Variants in TWIST2 observed in about 807,000 individuals in gnomAD.
TWIST2 encodes the protein twist-related protein 2.
TWIST2 carries 1 observed loss-of-function variant against 11.6 expected under a neutral mutation model. The observed-to-expected ratio is 0.09, with a 90% CI of 0.03 to 0.41. The LOEUF (loss-of-function observed/expected upper bound fraction) is 0.41. Ranked by LOEUF, TWIST2 falls within the 10% of genes least tolerant of loss-of-function variation. The pLI, the probability that TWIST2 is intolerant of heterozygous loss-of-function variation, is 0.98. For synonymous variants in TWIST2, 87 were observed against 96.6 expected (o/e 0.90, Z 0.58); for missense variants, 168 against 226.4 (o/e 0.74, Z 1.66).
chr2:238,876,123 C>T (rs866185807), intron 1 of TWIST2, among the ~76,000 whole-genome samples: 7 of 152,166 alleles, frequency 4.6e-5, no homozygotes, highest in Middle Eastern at 3.2e-3. Context: ...GTCACTGCCC[C>T]GTTGGGTGGG....
chr2:238,865,486 G>C (rs1455107232), intron 1 of TWIST2, among the ~76,000 whole-genome samples: 2 of 152,198 alleles, frequency 1.3e-5, no homozygotes, highest in South Asian at 2.1e-4. Flanking sequence ...TGAGGCGCTC[G>C]TGTCAGGATT....
At chr2:238,906,429 C>T (rs918001491) in intron 1 of TWIST2, among the ~76,000 whole-genome samples, 3 of 151,676 alleles carry the variant, frequency 2.0e-5, no homozygotes, top group East Asian at 1.9e-4. Flanking sequence ...TGCACTCACA[C>T]GGATGCGCAC....
At position 238,848,162 on chromosome 2, in the gene TWIST2, G is replaced by A. The variant is rs1229947505; in HGVS notation, c.-54G>A. 5.1e-6 allele frequency: 6 copies of A among 1,185,826 alleles called. No homozygotes were observed. The highest frequency in any genetic ancestry group is 6.3e-6 in the Non-Finnish European group (6 of 959,014). 73.5% of individuals were successfully genotyped at this position (1,185,826 alleles called of 1,614,324 possible). On this transcript the variant is annotated 5_prime_UTR_variant, in exon 1 of 2. Transcript: ENST00000612363. ...CTCGGCGACCGCGGGCTTGGCCAGC[G>A]GCGCGCGCTCGGCGCCCCGGCGCCC...
chr2:238,907,856 C>G (rs2106376581), intron 1 of TWIST2, among the ~76,000 whole-genome samples: 1 of 138,626 alleles, frequency 7.2e-6, no homozygotes, highest in African/African-American at 2.8e-5. Context: ...CCACACTGTA[C>G]ATACACACCA....
intron 1 of TWIST2, among the ~76,000 whole-genome samples, chr2:238,869,869 G>C (rs922775846): frequency 2.0e-5 from 3 of 152,060 alleles, no homozygotes; most frequent in Admixed American, 1.3e-4. Context: ...GATCACTTGA[G>C]TCCAGGAGTT....
rs141603096 is a variant in TWIST2, at chr2:238,869,025, G to A, written c.*35+20292G>A. Among the ~76,000 whole-genome samples, 83 of 152,358 alleles carry A rather than the reference G, an allele frequency of 5.4e-4. 1 individual carries two copies. Among genetic ancestry groups the A allele is most frequent in the South Asian group, 3.3e-3 (16 of 4,828 alleles). The stretch of plus-strand genomic sequence containing the variant: ...ACCAGCATCAGGCAGCAGATGGCAC[G>A]GGTAGGTGCGCGGGCAGCAAATGCT... On this transcript the variant is annotated intron_variant, in intron 1 of 1. Transcript: ENST00000612363.
intron 1 of TWIST2, among the ~76,000 whole-genome samples, chr2:238,854,898 G>A (rs181721987): frequency 2.9e-5 from 4 of 140,306 alleles, no homozygotes; most frequent in Admixed American, 2.8e-4. Context: ...AATGCAAGCA[G>A]GCAGCGTTTT....
rs1011367131 is a variant in TWIST2 at position 238,863,212 on chromosome 2, G to A, written c.*35+14479G>A. Among the ~76,000 whole-genome samples, 5 of 152,248 alleles carry A rather than the reference G, an allele frequency of 3.3e-5. No homozygotes were observed. The highest frequency in any genetic ancestry group is 2.1e-4 in the South Asian group (1 of 4,822). ...ACTCCCAGTCCCATCATAAGGTGGT[G>A]CAGTGAAAATACAGCTGCCATCCAC... On this transcript the variant is annotated intron_variant, in intron 1 of 1. Coordinates refer to ENST00000612363, the MANE Select transcript of TWIST2 (RefSeq NM_001271893.4). This position sits in a 1 kb window ranked among gnomAD's most constrained non-coding sequence, Gnocchi z 4.7.
chr2:238,854,042 G>A (rs946615552), intron 1 of TWIST2, among the ~76,000 whole-genome samples: 2 of 152,176 alleles, frequency 1.3e-5, no homozygotes, highest in Non-Finnish European at 2.9e-5. Flanking sequence ...CCCAGCTTCT[G>A]TCGAAGCCTC....
chr2:238,869,039 G>T (rs1182635899), intron 1 of TWIST2, among the ~76,000 whole-genome samples: 1 of 152,236 alleles, frequency 6.6e-6, no homozygotes, highest in Non-Finnish European at 1.5e-5. Flanking sequence ...AGGTGCGCGG[G>T]CAGCAAATGC....
chr2:238,884,560 C>A (rs879518649), intron 1 of TWIST2, among the ~76,000 whole-genome samples: 15 of 152,204 alleles, frequency 9.9e-5, no homozygotes, highest in Non-Finnish European at 1.6e-4. Context: ...GGTGTGGTTG[C>A]CACCCGCAGG....
intron 1 of TWIST2, among the ~76,000 whole-genome samples, chr2:238,884,916 CAGCTCCCCTG>C (rs1302178976): frequency 6.6e-6 from 1 of 152,200 alleles, no homozygotes; most frequent in African/African-American, 2.4e-5. Context: ...CAGGTCACTC[CAGCTCCCCTG>C]AGTGGTGTGG....
chr2:238,852,556 C>G (rs1401671299), intron 1 of TWIST2, among the ~76,000 whole-genome samples: 1 of 152,104 alleles, frequency 6.6e-6, no homozygotes, highest in Admixed American at 6.5e-5. Flanking sequence ...TGCTTTCAAA[C>G]GTAAAGGCAA....
chr2:238,882,079 T>C (rs1421255756), intron 1 of TWIST2, among the ~76,000 whole-genome samples: 3 of 152,202 alleles, frequency 2.0e-5, no homozygotes. Context: ...TCTGTGTCTC[T>C]GTGTCTCTCT....
rs1692164004 is a variant in TWIST2 at position 238,848,116 on chromosome 2, C to T, written c.-100C>T. 6.1e-6 allele frequency: 6 copies of T among 991,578 alleles called. No homozygotes were observed. The East Asian group carries it at 3.1e-4, about 51-fold the overall frequency. 61.4% of individuals were successfully genotyped at this position (991,578 alleles called of 1,614,324 possible). ...GCCGGCCTTGAAATCAGAGCCTTTCCAGCAACTCCGAGAGCGTGTGCTCGG... is the reference window on the plus strand; with the variant it reads ...GCCGGCCTTGAAATCAGAGCCTTTCTAGCAACTCCGAGAGCGTGTGCTCGG... On this transcript the variant is annotated 5_prime_UTR_variant, in exon 1 of 2. Transcript: ENST00000612363.
At position 238,848,341 on chromosome 2, in the gene TWIST2, T is replaced by C. The variant is rs1483572677; in HGVS notation, c.126T>C (p.Asp42=). ...GCTACAGCAAGAAGTCGAGCGAAGATGGCAGCCCGACCCCGGGCAAGCGCG... is the reference window on the plus strand; with the variant it reads ...GCTACAGCAAGAAGTCGAGCGAAGACGGCAGCCCGACCCCGGGCAAGCGCG... ...KRRYSKKSSE[D]GSPTPGKRGK... Residue 42 remains aspartate (D), a synonymous_variant, in exon 1 of 2, where the codon GAT becomes GAC. Transcript: ENST00000612363. 2.0e-6 allele frequency: 3 copies of C among 1,534,740 alleles called. No individual in the cohort carries two copies. The highest frequency in any genetic ancestry group is 2.6e-6 in the Non-Finnish European group (3 of 1,146,160).
chr2:238,904,677 G>T (rs1441905861), intron 1 of TWIST2, among the ~76,000 whole-genome samples: 2 of 152,048 alleles, frequency 1.3e-5, no homozygotes, highest in Non-Finnish European at 2.9e-5. Flanking sequence ...ACATGCTTCT[G>T]CCCTGCTAGA....
At chr2:238,861,213 G>A (rs909514237) in intron 1 of TWIST2, among the ~76,000 whole-genome samples, 1 of 152,200 alleles carries the variant, frequency 6.6e-6, no homozygotes, top group Non-Finnish European at 1.5e-5. Context: ...ATCAGTCACC[G>A]CCGCAGGGGT....
intron 1 of TWIST2, among the ~76,000 whole-genome samples, chr2:238,858,294 A>T (rs1413938661): frequency 6.6e-6 from 1 of 152,220 alleles, no homozygotes; most frequent in Non-Finnish European, 1.5e-5. Context: ...GCTTGTGACT[A>T]TACATGATCG....
Sources: gnomAD v4.1 joint callset for allele counts (sites outside exome capture counted in the v4.1 genomes callset) on GRCh38, gnomAD v4.1.1 for gene constraint, Gnocchi (gnomAD v3.1) non-coding constraint, MANE v1.5 for transcripts, NCBI Gene and HGNC (gene_info 2026-07-23, HGNC 2026-07-21) for gene names.